The following VPS41 variants were observed in gnomAD, a reference collection of about 807,000 sequenced individuals.
VPS41 encodes the protein VPS41 subunit of HOPS complex.
A neutral mutation model predicts 130.9 loss-of-function variants in VPS41; 85 were observed. The observed-to-expected ratio is 0.65, with a 90% CI of 0.55 to 0.78. The LOEUF (loss-of-function observed/expected upper bound fraction) is 0.78, where lower values mean the gene tolerates loss of function less well. Among genes scored for constraint, VPS41 ranks in the 30% least tolerant of loss-of-function variants. VPS41 has a pLI of 0.00. For missense variants in VPS41, 874 were observed against 1,018.7 expected, an observed-to-expected ratio of 0.86 and a Z score of 1.93; for synonymous variants, 335 against 332.9, an observed-to-expected ratio of 1.01 and a Z score of -0.07.
At chr7:38,898,749 AG>A (rs1376819590) in intron 1 of VPS41, among the ~76,000 whole-genome samples, 11 of 152,370 alleles carry the variant, frequency 7.2e-5, no homozygotes, top group African/African-American at 2.6e-4. Context: ...CAAAGCAAAA[AG>A]GGAAAAATTG....
chr7:38,741,470 G>A (rs768166874), intron 25 of VPS41: 7 of 205,902 alleles, frequency 3.4e-5, no homozygotes, highest in Non-Finnish European at 6.4e-5. Context: ...TAATAAAGTT[G>A]CACTATTCTA....
chr7:38,753,401 T>G (rs1304250481), intron 21 of VPS41, among the ~76,000 whole-genome samples: 1 of 152,014 alleles, frequency 6.6e-6, no homozygotes, highest in East Asian at 1.9e-4. Context: ...GTACAAGCAG[T>G]AGACTGAACT....
At chr7:38,826,471 C>G (rs1017115390) in intron 5 of VPS41, among the ~76,000 whole-genome samples, 2 of 152,132 alleles carry the variant, frequency 1.3e-5, no homozygotes, top group Non-Finnish European at 2.9e-5. Flanking sequence ...GCAACCACAA[C>G]AAGAAGATCA....
chr7:38,790,284 G>A (rs1342895826), intron 9 of VPS41, among the ~76,000 whole-genome samples: 3 of 131,420 alleles, frequency 2.3e-5, no homozygotes, highest in Non-Finnish European at 4.8e-5. Flanking sequence ...CATTGTTCCA[G>A]CACAAAGAGA....
intron 7 of VPS41, among the ~76,000 whole-genome samples, chr7:38,809,370 T>C (rs981539858): frequency 2.7e-5 from 4 of 148,170 alleles, no homozygotes; most frequent in African/African-American, 9.8e-5. Flanking sequence ...ATATATAATA[T>C]AAAATTTTAA....
At chr7:38,745,137 C>T (rs1425690215) in intron 23 of VPS41, among the ~76,000 whole-genome samples, 1 of 152,160 alleles carries the variant, frequency 6.6e-6, no homozygotes, top group Non-Finnish European at 1.5e-5. Flanking sequence ...TATTAAAAAG[C>T]TCTCCTCCTT....
chr7:38,836,435 A>C (rs930456751), intron 4 of VPS41, among the ~76,000 whole-genome samples: 3 of 152,126 alleles, frequency 2.0e-5, no homozygotes, highest in Non-Finnish European at 4.4e-5. Context: ...TAGTTAATAC[A>C]TCAGTAAAAA....
intron 10 of VPS41, among the ~76,000 whole-genome samples, chr7:38,781,656 G>A (rs1784356179): frequency 1.3e-5 from 2 of 152,034 alleles, no homozygotes; most frequent in Non-Finnish European, 2.9e-5. Context: ...TTATTGCTTT[G>A]TGATTTTTAC....
At chr7:38,803,422 G>A (rs1358876750) in intron 7 of VPS41, among the ~76,000 whole-genome samples, 1 of 152,228 alleles carries the variant, frequency 6.6e-6, no homozygotes, top group Non-Finnish European at 1.5e-5. Flanking sequence ...GGCTTCAGCC[G>A]AGGGTCAAGG....
chr7:38,829,405 C>T (rs975063822), intron 5 of VPS41, among the ~76,000 whole-genome samples: 1 of 152,114 alleles, frequency 6.6e-6, no homozygotes, highest in Non-Finnish European at 1.5e-5. Context: ...ATAATAAATA[C>T]AAAATTAGAT....
chr7:38,789,887 GTTA>G lies in VPS41; in HGVS notation c.718-23_718-21del. ...GCACACCTGGAAAATAAGTTCGCAG[GTTA>G]TTTTATTCATTTGATGGAAAATTCT... On this transcript the variant is annotated intron_variant, in intron 9 of 28. Coordinates refer to ENST00000310301, the MANE Select transcript of VPS41 (RefSeq NM_014396.4). 1 of 1,612,434 alleles carries G rather than the reference GTTA, an allele frequency of 6.2e-7. No homozygotes were observed. Among genetic ancestry groups the G allele is most frequent in the Non-Finnish European group, 8.5e-7 (1 of 1,178,846 alleles).
intron 10 of VPS41, among the ~76,000 whole-genome samples, chr7:38,779,377 T>C (rs183131802): frequency 6.6e-6 from 1 of 152,316 alleles, no homozygotes; most frequent in African/African-American, 2.4e-5. Context: ...AAATCTCTTA[T>C]AGAAAACAAA....
At chr7:38,897,155 T>C (rs116366457) in intron 2 of VPS41, among the ~76,000 whole-genome samples, 1,767 of 138,204 alleles carry the variant, frequency 0.013, 35 homozygotes, top group African/African-American at 0.043. Flanking sequence ...GACTGCACCA[T>C]TGCACTCTAG....
At chr7:38,798,739 C>T (rs1266550801) in intron 7 of VPS41, among the ~76,000 whole-genome samples, 1 of 152,036 alleles carries the variant, frequency 6.6e-6, no homozygotes, top group Non-Finnish European at 1.5e-5. Flanking sequence ...GGCAGGATGG[C>T]CGGGAGAACA....
chr7:38,808,893 TA>T (rs1344218343), intron 7 of VPS41, among the ~76,000 whole-genome samples: 11 of 152,200 alleles, frequency 7.2e-5, no homozygotes, highest in Admixed American at 4.6e-4. Context: ...ATCTAGATTC[TA>T]AAAAGATTTG....
At chr7:38,813,876 T>C (rs1381658826) in intron 7 of VPS41, among the ~76,000 whole-genome samples, 1 of 152,122 alleles carries the variant, frequency 6.6e-6, no homozygotes, top group Non-Finnish European at 1.5e-5. Context: ...TTTGGAGAAC[T>C]GAATAGGAAA....
In VPS41 at chr7:38,796,773, C is replaced by T; in HGVS notation, c.542G>A (p.Gly181Asp). 2 of 1,613,874 alleles carry T rather than the reference C, an allele frequency of 1.2e-6. No individual in the cohort carries two copies. Among genetic ancestry groups the T allele is most frequent in the South Asian group, 1.1e-5 (1 of 91,076 alleles). The change falls in exon 8 of 29, where the codon GGC becomes GAC. Residue 181 changes from glycine to aspartate, a missense_variant. Transcript: ENST00000310301. ...ATTATTGGCCCAAGCAATCAGATGG[C>T]CTCTCCACTTCACACTCCTTATGTT... ...EGNIRSVKWR[G>D]HLIAWANNMG...
intron 7 of VPS41, among the ~76,000 whole-genome samples, chr7:38,806,432 C>T (rs1265090292): frequency 1.3e-5 from 2 of 152,132 alleles, no homozygotes; most frequent in African/African-American, 4.8e-5. Context: ...GAATATTATG[C>T]AACTATTCAA....
At chr7:38,817,613 G>A (rs185895733) in intron 7 of VPS41, among the ~76,000 whole-genome samples, 8 of 152,216 alleles carry the variant, frequency 5.3e-5, no homozygotes, top group South Asian at 2.1e-4. Flanking sequence ...GCAAGACTCC[G>A]TCTCAACAAA....
Sources: gnomAD v4.1 joint callset for allele counts (sites outside exome capture counted in the v4.1 genomes callset) on GRCh38, gnomAD v4.1.1 for gene constraint, MANE v1.5 for transcripts, NCBI Gene and HGNC (gene_info 2026-07-23, HGNC 2026-07-21) for gene names.